Variants in EXOC4 observed in about 807,000 individuals in gnomAD.
EXOC4 encodes SEC8-like 1.
EXOC4 carries 71 observed loss-of-function variants against 107.2 expected under a neutral mutation model. The observed-to-expected ratio is 0.66, with a 90% CI of 0.55 to 0.81. The LOEUF (loss-of-function observed/expected upper bound fraction) is 0.81. Ranked by LOEUF, EXOC4 falls within the 30% of genes least tolerant of loss-of-function variation. The pLI is 0.00. For missense variants in EXOC4, 1,108 were observed against 1,189.6 expected (o/e 0.93, Z 1.01); for synonymous variants, 456 against 441.2 (o/e 1.03, Z -0.42).
At chr7:133,558,077 T>C (rs1021063752) in intron 9 of EXOC4, among the ~76,000 whole-genome samples, 3 of 152,248 alleles carry the variant, frequency 2.0e-5, no homozygotes, top group Non-Finnish European at 2.9e-5. Context: ...CTGTGTCATA[T>C]GTGTCTTAAT....
chr7:133,684,350 TA>T (rs1794249742), intron 10 of EXOC4, among the ~76,000 whole-genome samples: 1 of 152,200 alleles, frequency 6.6e-6, no homozygotes, highest in Non-Finnish European at 1.5e-5. Flanking sequence ...ATATTATGTG[TA>T]AACTTGATAT....
chr7:133,411,007 C>G (rs1797343223), intron 7 of EXOC4, among the ~76,000 whole-genome samples: 1 of 152,124 alleles, frequency 6.6e-6, no homozygotes, highest in Non-Finnish European at 1.5e-5. Flanking sequence ...GTCAACCTCT[C>G]TGATCTTATT....
intron 17 of EXOC4, among the ~76,000 whole-genome samples, chr7:134,052,896 C>T (rs937626042): frequency 8.5e-5 from 13 of 152,126 alleles, no homozygotes; most frequent in African/African-American, 2.9e-4. Flanking sequence ...CTGACCATCT[C>T]CCCCCGGAGT....
chr7:133,411,488 T>C (rs932125925), intron 7 of EXOC4, among the ~76,000 whole-genome samples: 2 of 152,156 alleles, frequency 1.3e-5, no homozygotes. Flanking sequence ...TTAATAAGAA[T>C]AGAAATATTG....
At position 133,284,388 on chromosome 7, in the gene EXOC4, A is replaced by G. The variant is rs547275022; in HGVS notation, c.277-4534A>G. On this transcript the variant is annotated intron_variant, in intron 2 of 17. Coordinates refer to ENST00000253861, the MANE Select transcript of EXOC4 (RefSeq NM_021807.4). Reference sequence around the variant, plus strand: ...CTGAGAACTATAGTAGCAAGGTGATATAAGTAGGATATCAGAAATCAGATT... The same window carrying G: ...CTGAGAACTATAGTAGCAAGGTGATGTAAGTAGGATATCAGAAATCAGATT... Among the ~76,000 whole-genome samples, 10 of 152,350 alleles carry G rather than the reference A, an allele frequency of 6.6e-5. No homozygotes were observed. The East Asian group carries it at 1.9e-3, about 29-fold the overall frequency.
intron 10 of EXOC4, among the ~76,000 whole-genome samples, chr7:133,757,478 T>C (rs1268839408): frequency 6.6e-6 from 1 of 152,232 alleles, no homozygotes; most frequent in Admixed American, 6.5e-5. Context: ...GACAGCCCTT[T>C]TCCTGAGGGA....
chr7:133,556,150 T>C (rs574300088), intron 9 of EXOC4, among the ~76,000 whole-genome samples: 1 of 152,314 alleles, frequency 6.6e-6, no homozygotes, highest in South Asian at 2.1e-4. Flanking sequence ...CTAATTCTTC[T>C]CCATAATGAG....
At chr7:133,461,264 C>G (rs182626408) in intron 7 of EXOC4, among the ~76,000 whole-genome samples, 26 of 152,290 alleles carry the variant, frequency 1.7e-4, no homozygotes, top group Non-Finnish European at 3.5e-4. Flanking sequence ...TCTCTGCATT[C>G]TGGTGCCTTG....
intron 2 of EXOC4, among the ~76,000 whole-genome samples, chr7:133,281,289 A>AAAT (rs1563000749): frequency 5.4e-5 from 8 of 147,710 alleles, no homozygotes; most frequent in Non-Finnish European, 1.2e-4. Context: ...GTAATAATAA[A>AAAT]AAATAAATAA....
At chr7:133,898,813 A>C (rs1209119010) in intron 12 of EXOC4, among the ~76,000 whole-genome samples, 1 of 148,830 alleles carries the variant, frequency 6.7e-6, no homozygotes, top group Non-Finnish European at 1.5e-5. Context: ...GCCCATCTCT[A>C]CCAAAAGTAC....
At chr7:133,571,967 G>A (rs909626294) in intron 9 of EXOC4, among the ~76,000 whole-genome samples, 5 of 152,244 alleles carry the variant, frequency 3.3e-5, no homozygotes, top group South Asian at 2.1e-4. Context: ...TGGCAACACC[G>A]GAATTTTAAA....
intron 11 of EXOC4, among the ~76,000 whole-genome samples, chr7:133,847,537 ATT>A (rs34297470): frequency 0.33 from 41,808 of 126,948 alleles, 5,798 homozygotes; most frequent in African/African-American, 0.43. Flanking sequence ...TACACCAGCT[ATT>A]TTTTTTTTTT....
chr7:133,847,269 CTATG>C (rs1585194713), intron 11 of EXOC4, among the ~76,000 whole-genome samples: 2 of 152,156 alleles, frequency 1.3e-5, no homozygotes, highest in East Asian at 3.9e-4. Context: ...GATGTGTTCA[CTATG>C]ATATACTATG....
chr7:133,913,915 G>A (rs1392376814), intron 12 of EXOC4, among the ~76,000 whole-genome samples: 1 of 152,180 alleles, frequency 6.6e-6, no homozygotes, highest in Non-Finnish European at 1.5e-5. Context: ...CATCAGTTTG[G>A]CTAAGAAAGG....
chr7:133,566,353 G>A (rs777725326), intron 9 of EXOC4, among the ~76,000 whole-genome samples: 28 of 152,130 alleles, frequency 1.8e-4, no homozygotes, highest in Admixed American at 7.2e-4. Flanking sequence ...TTTCTCATTT[G>A]TGTAGTGAAA....
At chr7:133,527,573 A>G (rs947701684) in intron 9 of EXOC4, among the ~76,000 whole-genome samples, 30 of 152,296 alleles carry the variant, frequency 2.0e-4, no homozygotes, top group African/African-American at 6.5e-4. Context: ...ACTCTGAGCA[A>G]TAGGTAAAGG....
At chr7:133,735,760 C>T (rs141939580) in intron 10 of EXOC4, among the ~76,000 whole-genome samples, 6 of 152,208 alleles carry the variant, frequency 3.9e-5, no homozygotes, top group African/African-American at 1.4e-4. Context: ...TGATCCCCCA[C>T]CTAACCCAAT....
At chr7:133,757,649 G>T (rs1795946787) in intron 10 of EXOC4, among the ~76,000 whole-genome samples, 1 of 152,192 alleles carries the variant, frequency 6.6e-6, no homozygotes, top group African/African-American at 2.4e-5. Context: ...TTGCAATACT[G>T]CAGGACTGGA....
chr7:133,668,727 C>A (rs1005825456), intron 10 of EXOC4, among the ~76,000 whole-genome samples: 1 of 152,172 alleles, frequency 6.6e-6, no homozygotes, highest in Admixed American at 6.5e-5. Context: ...GATGTTAAAG[C>A]TTATTTAGTC....
Sources: allele counts gnomAD v4.1 joint callset (sites outside exome capture counted in the v4.1 genomes callset), GRCh38; gene constraint gnomAD v4.1.1; transcripts MANE v1.5; gene names NCBI Gene and HGNC (gene_info 2026-07-23, HGNC 2026-07-21).